The following STON2 variants were observed in gnomAD, a reference collection of about 807,000 sequenced individuals.
STON2 encodes stonin-2.
Under a neutral mutation model 65.7 loss-of-function variants are expected in STON2, and 29 were observed. That is an observed-to-expected ratio of 0.44 (90% confidence interval 0.33 to 0.60). The LOEUF (loss-of-function observed/expected upper bound fraction) is 0.60. Among genes scored for constraint, STON2 ranks in the 20% least tolerant of loss-of-function variants. STON2 has a pLI of 0.03. For missense variants in STON2, 1,054 were observed against 1,118.1 expected (o/e 0.94, Z 0.82); for synonymous variants, 404 against 414.2 (o/e 0.98, Z 0.30).
At chr14:81,274,693 C>T (rs921700276) in intron 6 of STON2, among the ~76,000 whole-genome samples, 2 of 151,790 alleles carry the variant, frequency 1.3e-5, no homozygotes, top group Non-Finnish European at 2.9e-5. Flanking sequence ...CCCAGCACTT[C>T]GGGAGTACGA....
rs1894401317 is a variant in STON2, at chr14:81,267,458, A to T, written c.*956T>A. 1.0e-6 allele frequency: 1 copy of T among 985,212 alleles called. No individual in the cohort carries two copies. Among genetic ancestry groups the T allele is most frequent in the African/African-American group, 1.7e-5 (1 of 57,234 alleles). 61.0% of individuals were successfully genotyped at this position (985,212 alleles called of 1,614,324 possible). On this transcript the variant is annotated 3_prime_UTR_variant, in exon 8 of 8. Coordinates refer to ENST00000614646, the MANE Select transcript of STON2 (RefSeq NM_001394390.1). ...TCCTATAAAGTTGGGTTAAAGGGAC[A>T]TGCAACTGTCTATTGGTCATGAGGT...
At chr14:81,318,107 A>AG (rs1896693591) in intron 5 of STON2, among the ~76,000 whole-genome samples, 1 of 152,076 alleles carries the variant, frequency 6.6e-6, no homozygotes, top group South Asian at 2.1e-4. Context: ...CTAGGATTAC[A>AG]GGCGTGCACC....
At chr14:81,428,348 A>G (rs1198117833) in intron 1 of STON2, among the ~76,000 whole-genome samples, 1 of 152,238 alleles carries the variant, frequency 6.6e-6, no homozygotes, top group Non-Finnish European at 1.5e-5. Context: ...AACAACGTAT[A>G]ACTGGATACG....
intron 1 of STON2, among the ~76,000 whole-genome samples, chr14:81,399,818 T>C (rs1358407479): frequency 1.3e-5 from 2 of 152,150 alleles, no homozygotes; most frequent in Admixed American, 1.3e-4. Context: ...TTTGGTAAAA[T>C]GCTTCCTCCA....
At chr14:81,340,204 AC>A (rs1429163970) in intron 4 of STON2, among the ~76,000 whole-genome samples, 1 of 152,044 alleles carries the variant, frequency 6.6e-6, no homozygotes, top group Non-Finnish European at 1.5e-5. Context: ...AAATTAAAGA[AC>A]CCACTCAATG....
At chr14:81,436,170 G>A (rs1191017735) in intron 1 of STON2, 1 of 151,994 alleles carries the variant, frequency 6.6e-6, no homozygotes, top group Non-Finnish European at 1.5e-5. Flanking sequence ...GGCTCGACCA[G>A]GCAGGCTCGG....
chr14:81,340,302 G>A (rs940641472), intron 4 of STON2, among the ~76,000 whole-genome samples: 4 of 152,134 alleles, frequency 2.6e-5, no homozygotes, highest in African/African-American at 9.7e-5. Context: ...TGGGGTGGGG[G>A]ACAGAGAGAG....
intron 5 of STON2, among the ~76,000 whole-genome samples, chr14:81,317,371 T>C (rs1189592472): frequency 6.6e-6 from 1 of 152,144 alleles, no homozygotes; most frequent in Non-Finnish European, 1.5e-5. Context: ...AGGGGACAAA[T>C]ATACAAACCA....
At chr14:81,351,665 T>A (rs1441544194) in intron 4 of STON2, among the ~76,000 whole-genome samples, 4 of 152,234 alleles carry the variant, frequency 2.6e-5, no homozygotes, top group Admixed American at 2.6e-4. Context: ...TTGATAGAGA[T>A]TCTGTCCATT....
chr14:81,293,677 C>T (rs1895651303), intron 5 of STON2, among the ~76,000 whole-genome samples: 1 of 152,158 alleles, frequency 6.6e-6, no homozygotes, highest in Non-Finnish European at 1.5e-5. Context: ...TGCACTGGGG[C>T]TTGCCTTCTT....
intron 4 of STON2, among the ~76,000 whole-genome samples, chr14:81,349,409 A>C (rs1897939603): frequency 1.3e-5 from 2 of 152,172 alleles, no homozygotes; most frequent in African/African-American, 4.8e-5. Context: ...CAAATTTCCC[A>C]TTAAAAAGTG....
intron 5 of STON2, among the ~76,000 whole-genome samples, chr14:81,299,526 A>G (rs1002510192): frequency 6.6e-6 from 1 of 152,250 alleles, no homozygotes; most frequent in Non-Finnish European, 1.5e-5. Flanking sequence ...AAAGAGGTTG[A>G]GCCCTGTGGC....
In STON2 at chr14:81,270,715, AGTCTT is replaced by A. The variant is rs776523115; in HGVS notation, c.2734_2738del (p.Lys912Ter). Reference sequence around the variant, plus strand: ...AATAATTGACCCACTTCCTGACGTCAGTCTTGTCTTCTACAGAGATAGATCTCACG... The same window carrying A: ...AATAATTGACCCACTTCCTGACGTCAGTCTTCTACAGAGATAGATCTCACG... On this transcript the variant is annotated frameshift_variant, in exon 7 of 8. Transcript: ENST00000614646. LOFTEE classifies it high-confidence loss of function. 1.9e-6 allele frequency: 3 copies of A among 1,614,194 alleles called. No individual in the cohort carries two copies. Among genetic ancestry groups the A allele is most frequent in the Non-Finnish European group, 8.5e-7 (1 of 1,180,042 alleles).
At chr14:81,408,184 T>C (rs1177498435) in intron 2 of STON2, among the ~76,000 whole-genome samples, 2 of 150,104 alleles carry the variant, frequency 1.3e-5, no homozygotes, top group Admixed American at 1.3e-4. Flanking sequence ...CATTAATTAA[T>C]AGGTACCTTG....
chr14:81,351,066 A>G (rs548461045), intron 4 of STON2, among the ~76,000 whole-genome samples: 1 of 152,246 alleles, frequency 6.6e-6, no homozygotes, highest in South Asian at 2.1e-4. Flanking sequence ...CTACATTTAA[A>G]ATATTCAGTA....
intron 5 of STON2, among the ~76,000 whole-genome samples, chr14:81,293,457 T>G (rs1895642651): frequency 1.3e-5 from 2 of 151,810 alleles, no homozygotes; most frequent in Non-Finnish European, 2.9e-5. Context: ...CAGGCGTGAG[T>G]CACCACACTC....
intron 4 of STON2, among the ~76,000 whole-genome samples, chr14:81,328,957 G>C (rs532546228): frequency 2.0e-4 from 30 of 152,132 alleles, no homozygotes; most frequent in Non-Finnish European, 4.3e-4. Flanking sequence ...GAAGAACCAT[G>C]AGCCAAATAT....
At chr14:81,408,136 A>AACACACACACACACACAC (rs149914558) in intron 2 of STON2, among the ~76,000 whole-genome samples, 91 of 149,094 alleles carry the variant, frequency 6.1e-4, no homozygotes, top group African/African-American at 2.1e-3. Context: ...TTCACTGAAG[A>AACACACACACACACACAC]ACACACACAC....
chr14:81,355,813 G>C (rs920042100), intron 4 of STON2, among the ~76,000 whole-genome samples: 24 of 152,052 alleles, frequency 1.6e-4, no homozygotes, highest in Admixed American at 1.6e-3. Flanking sequence ...CTGTTTGTCT[G>C]TTATTGGTGT....
Sources: allele counts gnomAD v4.1 joint callset (sites outside exome capture counted in the v4.1 genomes callset), GRCh38; gene constraint gnomAD v4.1.1; transcripts MANE v1.5; gene names NCBI Gene and HGNC (gene_info 2026-07-23, HGNC 2026-07-21).